Variants in NCAM1 observed in about 807,000 individuals in gnomAD.
NCAM1 encodes neural cell adhesion molecule 1, also known as antigen recognized by monoclonal antibody 5.1H11.
NCAM1 carries 14 observed loss-of-function variants against 109.8 expected under a neutral mutation model. The ratio of observed to expected loss-of-function variants is 0.13; its 90% CI spans 0.08 to 0.20. The LOEUF (loss-of-function observed/expected upper bound fraction) is 0.20. NCAM1 is among the 10% of genes least tolerant of loss of function. NCAM1 has a pLI of 1.00. For synonymous variants in NCAM1, 418 were observed against 442.9 expected, an observed-to-expected ratio of 0.94 and a Z score of 0.70; for missense variants, 774 against 1,109.9, an observed-to-expected ratio of 0.70 and a Z score of 4.30.
chr11:113,040,950 A>G (rs1224069141), intron 1 of NCAM1: 1 of 152,126 alleles, frequency 6.6e-6, no homozygotes, highest in African/African-American at 2.4e-5. Context: ...TTTCCTTTTG[A>G]ATTATTATTC....
intron 1 of NCAM1, among the ~76,000 whole-genome samples, chr11:113,014,096 C>T (rs1555074925): frequency 6.6e-6 from 1 of 151,954 alleles, no homozygotes; most frequent in African/African-American, 2.4e-5. Context: ...ATTTTTGTAA[C>T]TTTATGTATT....
chr11:112,979,136 T>C (rs569452055), intron 1 of NCAM1, among the ~76,000 whole-genome samples: 1 of 151,708 alleles, frequency 6.6e-6, no homozygotes, highest in African/African-American at 2.4e-5. Flanking sequence ...ACTTTGAGTG[T>C]GTGTTTGGGT....
intron 1 of NCAM1, among the ~76,000 whole-genome samples, chr11:112,977,807 C>A (rs17114637): frequency 0.034 from 5,229 of 151,870 alleles, 424 homozygotes; most frequent in East Asian, 0.14. Flanking sequence ...ACTAAAAAAG[C>A]AGGCTGTCTT....
At chr11:113,038,181 G>C (rs1952953358) in intron 1 of NCAM1, among the ~76,000 whole-genome samples, 1 of 152,198 alleles carries the variant, frequency 6.6e-6, no homozygotes, top group South Asian at 2.1e-4. Flanking sequence ...CCATGACCCA[G>C]TTCTAACATG....
At chr11:113,045,999 A>G (rs782350841) in intron 1 of NCAM1, among the ~76,000 whole-genome samples, 1 of 152,208 alleles carries the variant, frequency 6.6e-6, no homozygotes, top group African/African-American at 2.4e-5. Flanking sequence ...GAATTGTGGT[A>G]TGTTTCTAAA....
At chr11:113,012,189 T>C (rs1345727569) in intron 1 of NCAM1, among the ~76,000 whole-genome samples, 1 of 152,054 alleles carries the variant, frequency 6.6e-6, no homozygotes, top group Non-Finnish European at 1.5e-5. Context: ...TGGCTAATTT[T>C]TGTATTTTTA....
At chr11:113,147,945 A>G (rs1942076507) in intron 1 of NCAM1, among the ~76,000 whole-genome samples, 1 of 152,184 alleles carries the variant, frequency 6.6e-6, no homozygotes, top group Non-Finnish European at 1.5e-5. Flanking sequence ...ATACAATCAT[A>G]CCTGTGCCAG....
In NCAM1 at chr11:113,169,629, G is replaced by GTTTT. The variant is rs3051905; in HGVS notation, c.53-32738_53-32735dup. On this transcript the variant is annotated intron_variant, in intron 1 of 19. Coordinates refer to ENST00000316851, the MANE Select transcript of NCAM1 (RefSeq NM_181351.5). ...GGAGACTTTTCAGAGTTGGATGGGAGTTTTTTTTTTTTTTTGGAGATAGGG... is the reference window on the plus strand; with the variant it reads ...GGAGACTTTTCAGAGTTGGATGGGAGTTTTTTTTTTTTTTTTTTTGGAGATAGGG... Among the ~76,000 whole-genome samples the GTTTT allele has an allele frequency of 7.4e-3, 1,024 of 139,250 alleles. 26 individuals carry two copies. The highest frequency in any genetic ancestry group is 0.026 in the African/African-American group (976 of 37,146). 91.4% of individuals were successfully genotyped at this position (139,250 alleles called of 152,430 possible).
At chr11:113,091,442 T>C (rs1555089358) in intron 1 of NCAM1, among the ~76,000 whole-genome samples, 1 of 152,216 alleles carries the variant, frequency 6.6e-6, no homozygotes, top group Non-Finnish European at 1.5e-5. Context: ...TCACTGCTAT[T>C]GTTATATCCT....
At chr11:113,142,303 A>G (rs1306358713) in intron 1 of NCAM1, among the ~76,000 whole-genome samples, 1 of 152,176 alleles carries the variant, frequency 6.6e-6, no homozygotes, top group Admixed American at 6.5e-5. Context: ...TTGACATTAG[A>G]GTCTGTCATT....
chr11:113,193,125 T>C (rs1943736526), intron 1 of NCAM1, among the ~76,000 whole-genome samples: 2 of 152,232 alleles, frequency 1.3e-5, no homozygotes, highest in African/African-American at 4.8e-5. Context: ...ACTTCTGATT[T>C]TTTTTGCTGC....
At chr11:113,153,626 T>C (rs1942314172) in intron 1 of NCAM1, among the ~76,000 whole-genome samples, 1 of 152,182 alleles carries the variant, frequency 6.6e-6, no homozygotes, top group Admixed American at 6.5e-5. Flanking sequence ...AGAGATAAAC[T>C]TTCAGGTAGA....
chr11:113,032,825 A>G (rs1254189447), intron 1 of NCAM1, among the ~76,000 whole-genome samples: 5 of 152,162 alleles, frequency 3.3e-5, no homozygotes, highest in African/African-American at 1.2e-4. Context: ...TGAGCTGATT[A>G]TTTTCTTATA....
intron 1 of NCAM1, among the ~76,000 whole-genome samples, chr11:113,141,546 G>C (rs1259415486): frequency 6.6e-6 from 1 of 152,224 alleles, no homozygotes; most frequent in African/African-American, 2.4e-5. Context: ...CTACTTGGGA[G>C]GCTGAGGCAG....
chr11:113,092,121 G>T (rs1293456329), intron 1 of NCAM1, among the ~76,000 whole-genome samples: 2 of 152,118 alleles, frequency 1.3e-5, no homozygotes, highest in Non-Finnish European at 2.9e-5. Flanking sequence ...TTCTAGAGCT[G>T]CAGCTTTTAG....
intron 1 of NCAM1, among the ~76,000 whole-genome samples, chr11:113,201,001 C>G (rs1384630239): frequency 6.6e-6 from 1 of 152,132 alleles, no homozygotes; most frequent in Non-Finnish European, 1.5e-5. Context: ...ATGACAGCGT[C>G]AGCATCTTCC....
In NCAM1 at chr11:113,191,746, T is replaced by A. The variant is rs535986263; in HGVS notation, c.53-10633T>A. ...ACATACATAGATATACACACATGTA[T>A]GTGTGTATATGTGTGTGTGTGTGTG... On this transcript the variant is annotated intron_variant, in intron 1 of 19. Coordinates refer to ENST00000316851, the MANE Select transcript of NCAM1 (RefSeq NM_181351.5). 3.4e-4 allele frequency among the ~76,000 whole-genome samples: 46 copies of A among 136,502 alleles called. 1 individual carries two copies. The South Asian group carries it at 0.012, about 36-fold the overall frequency. The allele number at this position is 136,502 out of a possible 152,430, so 89.6% of individuals were successfully genotyped here. A position where few individuals can be genotyped will look rare whatever the true frequency, so the allele number is the denominator to read the frequency against.
chr11:113,031,866 G>C (rs573296482), intron 1 of NCAM1, among the ~76,000 whole-genome samples: 1 of 152,170 alleles, frequency 6.6e-6, no homozygotes, highest in Non-Finnish European at 1.5e-5. Context: ...TCAGAGAGTA[G>C]GTGAATTTGT....
chr11:113,134,520 G>A (rs1273668414), intron 1 of NCAM1, among the ~76,000 whole-genome samples: 1 of 152,094 alleles, frequency 6.6e-6, no homozygotes, highest in African/African-American at 2.4e-5. Context: ...AATTTTCACT[G>A]TCTCTTGTAT....
Sources: gnomAD v4.1 joint callset for allele counts (sites outside exome capture counted in the v4.1 genomes callset) on GRCh38, gnomAD v4.1.1 for gene constraint, MANE v1.5 for transcripts, NCBI Gene and HGNC (gene_info 2026-07-23, HGNC 2026-07-21) for gene names.